The following GALNT18 variants were observed in gnomAD, a reference collection of about 807,000 sequenced individuals.
GALNT18 encodes the protein GalNAc-transferase 18.
In GALNT18, 44 loss-of-function variants were observed where a neutral mutation model predicts 69.5. The observed-to-expected ratio is 0.63, with a 90% CI of 0.50 to 0.81. GALNT18 has a LOEUF of 0.81. Among genes scored for constraint, GALNT18 ranks in the 40% least tolerant of loss-of-function variants. The pLI, the probability that GALNT18 is intolerant of heterozygous loss-of-function variation, is 0.00. For missense variants in GALNT18, 715 were observed against 810.0 expected, an observed-to-expected ratio of 0.88 and a Z score of 1.42; for synonymous variants, 364 against 318.2, an observed-to-expected ratio of 1.14 and a Z score of -1.53.
rs918635326 is a variant in GALNT18 at position 11,583,509 on chromosome 11, A to C, written c.235+37850T>G. Among the ~76,000 whole-genome samples the C allele has an allele frequency of 6.6e-6, 1 of 152,212 alleles. No homozygotes were observed. Among genetic ancestry groups the C allele is most frequent in the Non-Finnish European group, 1.5e-5 (1 of 68,032 alleles). The stretch of plus-strand genomic sequence containing the variant: ...AGCTCTGTTTCTGGCTGGAAAGTGC[A>C]CGAAAGCTGAGTTTAATCAATAAAT... On this transcript the variant is annotated intron_variant, in intron 1 of 10. Coordinates refer to ENST00000227756, the MANE Select transcript of GALNT18 (RefSeq NM_198516.3). The surrounding 1 kb of genome is among the most constrained non-coding windows in gnomAD (Gnocchi z 4.7).
At chr11:11,607,812 G>A (rs1228320549) in intron 1 of GALNT18, among the ~76,000 whole-genome samples, 1 of 152,154 alleles carries the variant, frequency 6.6e-6, no homozygotes, top group African/African-American at 2.4e-5. Flanking sequence ...TAGGAAATGA[G>A]ACTAACCCAC....
intron 10 of GALNT18, among the ~76,000 whole-genome samples, chr11:11,279,296 G>A (rs935294961): frequency 2.6e-5 from 4 of 152,010 alleles, no homozygotes; most frequent in African/African-American, 9.7e-5. Context: ...ATGCAAGAAT[G>A]GCCTAACACA....
At chr11:11,611,534 G>A (rs1322853848) in intron 1 of GALNT18, among the ~76,000 whole-genome samples, 1 of 152,166 alleles carries the variant, frequency 6.6e-6, no homozygotes, top group Non-Finnish European at 1.5e-5. Context: ...ATGGAACAGA[G>A]AATTCACCAC....
At position 11,284,854 on chromosome 11, in the gene GALNT18, G is replaced by A. The variant is rs370577045; in HGVS notation, c.1677+8175C>T. ...AAGTCTTTTTTTGGTAGAGTTAAGT[G>A]GTCTTTTTGTATTATGAATACTCAA... is the stretch of plus-strand genomic sequence containing the variant. On this transcript the variant is annotated intron_variant, in intron 10 of 10. Transcript: ENST00000227756. 2.1e-4 allele frequency among the ~76,000 whole-genome samples: 29 copies of A among 138,294 alleles called. No homozygotes were observed. The East Asian group carries it at 4.3e-3, about 20-fold the overall frequency. The allele number at this position is 138,294 out of a possible 152,430, so 90.7% of individuals were successfully genotyped here. A position where few individuals can be genotyped will look rare whatever the true frequency, so the allele number is the denominator to read the frequency against.
At chr11:11,359,499 C>G (rs1311561713) in intron 6 of GALNT18, among the ~76,000 whole-genome samples, 1 of 152,140 alleles carries the variant, frequency 6.6e-6, no homozygotes, top group Non-Finnish European at 1.5e-5. Flanking sequence ...TTCTGACTTC[C>G]TCTCTTTTCT....
rs939241022 is a variant in GALNT18, at chr11:11,420,065, T to G, written c.595+12556A>C. Among the ~76,000 whole-genome samples the G allele has an allele frequency of 2.0e-5, 3 of 151,906 alleles. No individual in the cohort carries two copies. The East Asian group carries it at 5.8e-4, about 29-fold the overall frequency. ...GAGGAGAGACAGTTCCTGAAAAAAA[T>G]TGAATTGGTTTCCCAATTTAGGTCT... On this transcript the variant is annotated intron_variant, in intron 3 of 10. Transcript: ENST00000227756.
chr11:11,572,244 G>A (rs570005397), intron 1 of GALNT18, among the ~76,000 whole-genome samples: 1 of 152,200 alleles, frequency 6.6e-6, no homozygotes, highest in Non-Finnish European at 1.5e-5. Flanking sequence ...CTCGGCCTCA[G>A]TTTCTTTATC....
intron 10 of GALNT18, among the ~76,000 whole-genome samples, chr11:11,276,015 G>A (rs1264527662): frequency 6.6e-6 from 1 of 152,172 alleles, no homozygotes; most frequent in Non-Finnish European, 1.5e-5. Flanking sequence ...GGCTATGCAG[G>A]CTCTTTTTTG....
chr11:11,417,383 G>T (rs1000072179), intron 3 of GALNT18, among the ~76,000 whole-genome samples: 3 of 152,194 alleles, frequency 2.0e-5, no homozygotes, highest in African/African-American at 7.2e-5. Context: ...AGGAAAGAGT[G>T]CAAGAGGGGG....
At chr11:11,443,472 G>A (rs1263449692) in intron 2 of GALNT18, among the ~76,000 whole-genome samples, 1 of 152,128 alleles carries the variant, frequency 6.6e-6, no homozygotes, top group Non-Finnish European at 1.5e-5. Flanking sequence ...CACCCCAATT[G>A]AGACTTGATG....
rs1473528950 is a variant in GALNT18 at position 11,603,497 on chromosome 11, G to T, written c.235+17862C>A. Among the ~76,000 whole-genome samples, 1 of 152,118 alleles carries T rather than the reference G, an allele frequency of 6.6e-6. No individual in the cohort carries two copies. The highest frequency in any genetic ancestry group is 2.4e-5 in the African/African-American group (1 of 41,412). On this transcript the variant is annotated intron_variant, in intron 1 of 10. Transcript: ENST00000227756. This position sits in a 1 kb window ranked among gnomAD's most constrained non-coding sequence, Gnocchi z 4.5. ...CTGCAAGGAAATCCAGTTTTGAAAT[G>T]ATACACAGCACCCACCCCCTCAACC...
chr11:11,279,204 T>G (rs1732102425), intron 10 of GALNT18, among the ~76,000 whole-genome samples: 1 of 152,230 alleles, frequency 6.6e-6, no homozygotes, highest in African/African-American at 2.4e-5. Context: ...CCAATTCATC[T>G]TCTGCCATAA....
At chr11:11,283,605 G>A (rs941604672) in intron 10 of GALNT18, among the ~76,000 whole-genome samples, 1 of 152,134 alleles carries the variant, frequency 6.6e-6, no homozygotes, top group Admixed American at 6.5e-5. Context: ...TGCAGCCTCC[G>A]GCCCAGTCTC....
At chr11:11,388,191 T>C (rs1854097858) in intron 3 of GALNT18, among the ~76,000 whole-genome samples, 1 of 152,140 alleles carries the variant, frequency 6.6e-6, no homozygotes, top group Non-Finnish European at 1.5e-5. Flanking sequence ...CCATCTGTTT[T>C]AAAGTCTACT....
chr11:11,342,182 C>T lies in GALNT18; in HGVS notation c.1093-1178G>A, dbSNP rs775767207. Among the ~76,000 whole-genome samples the T allele has an allele frequency of 5.9e-5, 9 of 152,024 alleles. No individual in the cohort carries two copies. The South Asian group carries it at 1.4e-3, about 24-fold the overall frequency. ...CACTCACCTAACAAAAGGCCAAGTA[C>T]GTAGAAGTACTTTATAAGTACTTGC... On this transcript the variant is annotated intron_variant, in intron 6 of 10. Transcript: ENST00000227756.
chr11:11,288,488 T>C (rs1167811282), intron 10 of GALNT18, among the ~76,000 whole-genome samples: 6 of 152,248 alleles, frequency 3.9e-5, no homozygotes, highest in Non-Finnish European at 8.8e-5. Flanking sequence ...CCTCGGTTTC[T>C]GTTCTCATCA....
chr11:11,410,324 T>A (rs1190750768), intron 3 of GALNT18, among the ~76,000 whole-genome samples: 1 of 152,038 alleles, frequency 6.6e-6, no homozygotes, highest in African/African-American at 2.4e-5. Flanking sequence ...CTGCTCAAAT[T>A]ACCCACTTTG....
chr11:11,572,828 C>A lies in GALNT18; in HGVS notation c.235+48531G>T, dbSNP rs546672926. Among the ~76,000 whole-genome samples, 14 of 152,324 alleles carry A rather than the reference C, an allele frequency of 9.2e-5. No individual in the cohort carries two copies. The South Asian group carries it at 2.3e-3, about 25-fold the overall frequency. On this transcript the variant is annotated intron_variant, in intron 1 of 10. Coordinates refer to ENST00000227756, the MANE Select transcript of GALNT18 (RefSeq NM_198516.3). ...AACACAATGGCAGTAACAACTCCAACTGGGGCATGAGTTGCCATTTTGAAT... is the reference window on the plus strand; with the variant it reads ...AACACAATGGCAGTAACAACTCCAAATGGGGCATGAGTTGCCATTTTGAAT...
chr11:11,394,896 C>T (rs1024336124), intron 3 of GALNT18, among the ~76,000 whole-genome samples: 4 of 152,204 alleles, frequency 2.6e-5, no homozygotes, highest in Admixed American at 6.5e-5. Context: ...GATGCTCTCA[C>T]CATGGAAACG....
Sources: allele counts gnomAD v4.1 joint callset (sites outside exome capture counted in the v4.1 genomes callset), GRCh38; gene constraint gnomAD v4.1.1; non-coding constraint Gnocchi (gnomAD v3.1); transcripts MANE v1.5; gene names NCBI Gene and HGNC (gene_info 2026-07-23, HGNC 2026-07-21).